Variants in ATP11A observed in about 807,000 individuals in gnomAD.
The protein encoded by ATP11A is phospholipid-transporting ATPase IH.
A neutral mutation model predicts 154.4 loss-of-function variants in ATP11A; 81 were observed. The ratio of observed to expected loss-of-function variants is 0.52; its 90% CI spans 0.44 to 0.63. The LOEUF (loss-of-function observed/expected upper bound fraction) is 0.63. ATP11A is among the 30% of genes least tolerant of loss of function. The probability of loss-of-function intolerance (pLI) is 0.00; values close to 1 mark genes in which losing one functional copy is unlikely to be tolerated. For missense variants in ATP11A, 1,316 were observed against 1,474.3 expected, an observed-to-expected ratio of 0.89 and a Z score of 1.76; for synonymous variants, 623 against 585.9, an observed-to-expected ratio of 1.06 and a Z score of -0.91.
intron 2 of ATP11A, among the ~76,000 whole-genome samples, chr13:112,791,364 G>A (rs892519466): frequency 6.6e-6 from 1 of 152,232 alleles, no homozygotes; most frequent in South Asian, 2.1e-4. Context: ...CTGGGAGCTG[G>A]CTTCTCCCTT....
At chr13:112,840,007 T>C (rs186447460) in intron 16 of ATP11A, among the ~76,000 whole-genome samples, 2 of 152,094 alleles carry the variant, frequency 1.3e-5, no homozygotes, top group African/African-American at 2.4e-5. Context: ...GGCCCTGCTT[T>C]TCTATGCTAA....
chr13:112,851,290 G>A, intron 18 of ATP11A, 72 bp downstream of exon 18: 1 of 1,512,868 alleles, frequency 6.6e-7, no homozygotes, highest in Non-Finnish European at 9.0e-7. Flanking sequence ...GGCGTGTGAG[G>A]GCGAGTGGAC....
At chr13:112,728,012 A>G (rs956779272) in intron 1 of ATP11A, among the ~76,000 whole-genome samples, 14 of 152,348 alleles carry the variant, frequency 9.2e-5, no homozygotes, top group South Asian at 2.1e-4. Flanking sequence ...CCCCTTTTTC[A>G]TAGACCAGGG....
At chr13:112,870,990 C>T (rs976992530) in intron 25 of ATP11A, among the ~76,000 whole-genome samples, 2 of 152,240 alleles carry the variant, frequency 1.3e-5, no homozygotes, top group Admixed American at 6.5e-5. Context: ...CCCTCCTCCA[C>T]GGCCACCTGG....
chr13:112,727,974 G>A (rs1283396164), intron 1 of ATP11A, among the ~76,000 whole-genome samples: 1 of 152,272 alleles, frequency 6.6e-6, no homozygotes, highest in Non-Finnish European at 1.5e-5. Flanking sequence ...TCCAGCAAGG[G>A]CCGTGTCTGG....
chr13:112,772,382 T>C (rs145224957), intron 1 of ATP11A, among the ~76,000 whole-genome samples: 1 of 152,222 alleles, frequency 6.6e-6, no homozygotes, highest in Non-Finnish European at 1.5e-5. Context: ...TGAGCAGTGC[T>C]CAGCCTGTCG....
intron 2 of ATP11A, among the ~76,000 whole-genome samples, chr13:112,788,658 T>C (rs780586381): frequency 3.1e-4 from 42 of 135,440 alleles, no homozygotes; most frequent in Admixed American, 1.9e-3. Flanking sequence ...TGGAGACCTA[T>C]TTAATTCACA....
rs1293671126 is a variant in ATP11A, at chr13:112,859,186, T to C, written c.2668-207T>C. On this transcript the variant is annotated intron_variant, in intron 22 of 29. Transcript: ENST00000375645. The surrounding 1 kb of genome is among the most constrained non-coding windows in gnomAD (Gnocchi z 4.3). Reference sequence around the variant, plus strand: ...GCTGACAAATTTCCTCTATACGTTGTCTGTCCTGAGTGGCCAAAACGTGGT... The same window carrying C: ...GCTGACAAATTTCCTCTATACGTTGCCTGTCCTGAGTGGCCAAAACGTGGT... The C allele has an allele frequency of 3.4e-6, 2 of 580,640 alleles. No individual in the cohort carries two copies. The highest frequency in any genetic ancestry group is 1.9e-5 in the South Asian group (1 of 51,458). The allele number at this position is 580,640 out of a possible 1,614,324, so 36.0% of individuals were successfully genotyped here. A position where few individuals can be genotyped will look rare whatever the true frequency, so the allele number is the denominator to read the frequency against.
intron 27 of ATP11A, among the ~76,000 whole-genome samples, chr13:112,874,816 G>A (rs1030795740): frequency 6.6e-6 from 1 of 152,190 alleles, no homozygotes; most frequent in African/African-American, 2.4e-5. Flanking sequence ...GCTCTGGAGA[G>A]CCCGGCCATT....
At chr13:112,727,680 G>T (rs925377754) in intron 1 of ATP11A, among the ~76,000 whole-genome samples, 7 of 152,236 alleles carry the variant, frequency 4.6e-5, no homozygotes, top group African/African-American at 1.7e-4. Flanking sequence ...GCCCCATTTG[G>T]CAGGCAGAGG....
chr13:112,764,910 C>G (rs914367419), intron 1 of ATP11A, among the ~76,000 whole-genome samples: 2 of 152,188 alleles, frequency 1.3e-5, no homozygotes, highest in Non-Finnish European at 2.9e-5. Context: ...CAGGGCGCTA[C>G]CAGTCTGGGC....
At chr13:112,831,734 C>T (rs576765030) in intron 13 of ATP11A, among the ~76,000 whole-genome samples, 186 bp downstream of exon 13, 4 of 152,304 alleles carry the variant, frequency 2.6e-5, no homozygotes, top group Middle Eastern at 3.4e-3. Flanking sequence ...CAGTGATACC[C>T]GTGTTAGAAT....
In ATP11A at chr13:112,765,146, C is replaced by G. The variant is rs659083; in HGVS notation, c.40-19989C>G. Reference sequence around the variant, plus strand: ...GTGCGTTGACAGTGGCTGGCTTGCCCCCCCTCCCCCCCGCCCCGGCTCTGG... The same window carrying G: ...GTGCGTTGACAGTGGCTGGCTTGCCGCCCCTCCCCCCCGCCCCGGCTCTGG... On this transcript the variant is annotated intron_variant, in intron 1 of 29. Coordinates refer to ENST00000375645, the MANE Select transcript of ATP11A (RefSeq NM_015205.3). Among the ~76,000 whole-genome samples, 11 of 40,762 alleles carry G rather than the reference C, an allele frequency of 2.7e-4. No individual in the cohort carries two copies. In the East Asian group the frequency reaches 3.7e-3, roughly 14 times the overall value. 26.7% of individuals were successfully genotyped at this position (40,762 alleles called of 152,430 possible). A position where few individuals can be genotyped will look rare whatever the true frequency, so the allele number is the denominator to read the frequency against.
chr13:112,868,302 T>G (rs1219324534), intron 25 of ATP11A, among the ~76,000 whole-genome samples: 1 of 152,190 alleles, frequency 6.6e-6, no homozygotes, highest in Non-Finnish European at 1.5e-5. Context: ...ACCGTGACCT[T>G]GAGAAGGCGC....
chr13:112,690,534 C>G lies in ATP11A; in HGVS notation c.39+79C>G, dbSNP rs1456188907. 4.5e-5 allele frequency: 55 copies of G among 1,225,276 alleles called. No homozygotes were observed. The highest frequency in any genetic ancestry group is 5.4e-5 in the Non-Finnish European group (53 of 974,380). 75.9% of individuals were successfully genotyped at this position (1,225,276 alleles called of 1,614,324 possible). On this transcript the variant is annotated intron_variant, in intron 1 of 29. Transcript: ENST00000375645. The surrounding 1 kb of genome is among the most constrained non-coding windows in gnomAD (Gnocchi z 5.6). ...GGCCCCGCAGCCCGGACCCTGTGGCCGGTCCAGCCCCGGGGTCCCGGGAGG... is the reference window on the plus strand; with the variant it reads ...GGCCCCGCAGCCCGGACCCTGTGGCGGGTCCAGCCCCGGGGTCCCGGGAGG...
chr13:112,865,139 G>T (rs1196740275), intron 25 of ATP11A, among the ~76,000 whole-genome samples: 1 of 88,176 alleles, frequency 1.1e-5, no homozygotes, highest in African/African-American at 4.4e-5. Context: ...CACCACCTGC[G>T]CAGTAATTCA....
At chr13:112,819,245 G>C in intron 6 of ATP11A, 59 bp from the exon 7 acceptor site, 1 of 1,459,996 alleles carries the variant, frequency 6.8e-7, no homozygotes, top group East Asian at 2.3e-5. Context: ...GGAGGCACCA[G>C]CGTCTGGGTT....
At chr13:112,742,773 C>G (rs1261807403) in intron 1 of ATP11A, among the ~76,000 whole-genome samples, 3 of 152,170 alleles carry the variant, frequency 2.0e-5, no homozygotes, top group African/African-American at 7.2e-5. Context: ...GACACGTGCT[C>G]AGACTGAAGG....
intron 28 of ATP11A, among the ~76,000 whole-genome samples, chr13:112,876,765 A>T (rs1312930411): frequency 6.6e-6 from 1 of 152,164 alleles, no homozygotes; most frequent in African/African-American, 2.4e-5. Context: ...CCCAGGTGGG[A>T]GGAAGACGGG....
Sources: gnomAD v4.1 joint callset for allele counts (sites outside exome capture counted in the v4.1 genomes callset) on GRCh38, gnomAD v4.1.1 for gene constraint, Gnocchi (gnomAD v3.1) non-coding constraint, MANE v1.5 for transcripts, NCBI Gene and HGNC (gene_info 2026-07-23, HGNC 2026-07-21) for gene names.